The following FBXL13 variants were observed in gnomAD, a reference collection of about 807,000 sequenced individuals.
The protein encoded by FBXL13 is F-box and leucine rich repeat protein 13.
In FBXL13, 67 loss-of-function variants were observed where a neutral mutation model predicts 83.6. The observed-to-expected ratio is 0.80, with a 90% CI of 0.66 to 0.98. The LOEUF (loss-of-function observed/expected upper bound fraction) is 0.98, where lower values mean the gene tolerates loss of function less well. FBXL13 is among the 50% of genes least tolerant of loss of function. The pLI, the probability that FBXL13 is intolerant of heterozygous loss-of-function variation, is 0.00. For synonymous variants in FBXL13, 272 were observed against 299.5 expected (o/e 0.91, Z 0.95); for missense variants, 822 against 866.5 (o/e 0.95, Z 0.64).
At chr7:102,848,664 G>C (rs1804609727) in intron 17 of FBXL13, among the ~76,000 whole-genome samples, 1 of 145,322 alleles carries the variant, frequency 6.9e-6, no homozygotes, top group African/African-American at 2.5e-5. Flanking sequence ...TTCTAGGAAA[G>C]AGGAATCAGA....
At chr7:102,861,068 T>A (rs889817839) in intron 16 of FBXL13, among the ~76,000 whole-genome samples, 8 of 152,004 alleles carry the variant, frequency 5.3e-5, no homozygotes, top group African/African-American at 1.7e-4. Context: ...GATATCATGA[T>A]GCTTTATCCC....
At chr7:102,903,943 T>TCTTTC (rs3045671) in intron 11 of FBXL13, among the ~76,000 whole-genome samples, 1 of 134,306 alleles carries the variant, frequency 7.4e-6, no homozygotes. Context: ...TCTTTTCTTT[T>TCTTTC]TTTTTTTTTT....
intron 6 of FBXL13, among the ~76,000 whole-genome samples, chr7:103,013,835 A>C (rs1791930138): frequency 6.6e-6 from 1 of 152,162 alleles, no homozygotes; most frequent in Admixed American, 6.5e-5. Context: ...TACAAAAATC[A>C]ATAAATCCAG....
intron 6 of FBXL13, among the ~76,000 whole-genome samples, chr7:102,992,201 T>C (rs1344069353): frequency 6.6e-6 from 1 of 152,220 alleles, no homozygotes; most frequent in East Asian, 1.9e-4. Flanking sequence ...TCTGCCATCA[T>C]GTTACTGGCT....
chr7:102,932,066 A>G, intron 8 of FBXL13, 133 bp from the exon 10 acceptor site: 1 of 741,662 alleles, frequency 1.3e-6, no homozygotes, highest in South Asian at 2.3e-5. Context: ...TGTTCTAAGT[A>G]TATGGTTTCT....
intron 4 of FBXL13, 59 bp downstream of exon 5, chr7:103,028,541 T>C: frequency 7.7e-7 from 1 of 1,295,442 alleles, no homozygotes; most frequent in South Asian, 1.9e-5. Context: ...TAACTGTTAG[T>C]TTTTTTATTA....
chr7:102,963,585 C>T, exon 8 of FBXL13: 1 of 1,612,886 alleles, frequency 6.2e-7, no homozygotes, highest in Non-Finnish European at 8.5e-7. Flanking sequence ...AATTCAAACG[C>T]AGCACATTTA....
exon 1 of FBXL13, chr7:103,074,373 C>T: frequency 9.5e-7 from 1 of 1,051,320 alleles, no homozygotes; most frequent in South Asian, 3.0e-5. Flanking sequence ...CTCACTCCTC[C>T]ACTCCTCAGG....
At chr7:103,007,828 G>C (rs1324406484) in intron 6 of FBXL13, among the ~76,000 whole-genome samples, 2 of 152,140 alleles carry the variant, frequency 1.3e-5, no homozygotes, top group Non-Finnish European at 2.9e-5. Flanking sequence ...AGGAGCTGAA[G>C]TGGCCCAGGG....
Position 102,854,766 on chromosome 7 carries a change from A to T in FBXL13, c.1719+11T>A. ...TCTTAATTCTTTAACAGATGATCTT[A>T]ATGATCTTACCTGAATTCCATCATC... is the stretch of plus-strand genomic sequence containing the variant. On this transcript the variant is annotated intron_variant, in intron 17 of 19. Coordinates refer to ENST00000313221, the Ensembl canonical transcript of FBXL13. 1 of 1,500,866 alleles carries T rather than the reference A, an allele frequency of 6.7e-7. No homozygotes were observed. The highest frequency in any genetic ancestry group is 9.1e-7 in the Non-Finnish European group (1 of 1,102,928). The allele number at this position is 1,500,866 out of a possible 1,614,324, so 93.0% of individuals were successfully genotyped here. A position where few individuals can be genotyped will look rare whatever the true frequency, so the allele number is the denominator to read the frequency against.
chr7:102,989,410 C>T (rs76543568), intron 6 of FBXL13, among the ~76,000 whole-genome samples: 1,676 of 152,318 alleles, frequency 0.011, 35 homozygotes, highest in African/African-American at 0.039. Context: ...CTAATGGAGA[C>T]GTTTCATTGC....
At chr7:103,064,303 C>T (rs184840886) in intron 1 of FBXL13, among the ~76,000 whole-genome samples, 1 of 152,328 alleles carries the variant, frequency 6.6e-6, no homozygotes, top group Non-Finnish European at 1.5e-5. Flanking sequence ...AGTTGGGGTC[C>T]AACCCCAGAG....
At chr7:103,008,719 G>A (rs186659547) in intron 6 of FBXL13, among the ~76,000 whole-genome samples, 10 of 152,042 alleles carry the variant, frequency 6.6e-5, no homozygotes, top group African/African-American at 1.2e-4. Flanking sequence ...CAACACACCC[G>A]GCTAATTTTT....
At chr7:102,945,886 A>AT (rs908056562) in intron 8 of FBXL13, among the ~76,000 whole-genome samples, 47 of 149,686 alleles carry the variant, frequency 3.1e-4, no homozygotes, top group East Asian at 5.9e-4. Flanking sequence ...AGTATTAGGC[A>AT]TTTTTTTTTT....
At chr7:102,858,988 T>A (rs1478104562) in intron 16 of FBXL13, among the ~76,000 whole-genome samples, 1 of 152,198 alleles carries the variant, frequency 6.6e-6, no homozygotes, top group Non-Finnish European at 1.5e-5. Flanking sequence ...TGGTGAGTTT[T>A]ATGGTACATG....
intron 9 of FBXL13, among the ~76,000 whole-genome samples, chr7:102,931,263 G>A (rs1472460025): frequency 1.3e-5 from 2 of 152,224 alleles, no homozygotes; most frequent in Non-Finnish European, 2.9e-5. Flanking sequence ...CACAGAAACT[G>A]AAACAAGTGA....
At chr7:103,044,395 G>A (rs1330009209) in intron 2 of FBXL13, among the ~76,000 whole-genome samples, 1 of 152,114 alleles carries the variant, frequency 6.6e-6, no homozygotes, top group Non-Finnish European at 1.5e-5. Flanking sequence ...CTAAAATATA[G>A]AATATGAATC....
chr7:103,038,886 A>G (rs976342221), intron 2 of FBXL13, among the ~76,000 whole-genome samples: 1 of 152,262 alleles, frequency 6.6e-6, no homozygotes, highest in African/African-American at 2.4e-5. Flanking sequence ...AAAAGCTGAA[A>G]ATTCCAAAAG....
At chr7:102,841,486 A>G (rs1011008820) in intron 17 of FBXL13, among the ~76,000 whole-genome samples, 1 of 152,238 alleles carries the variant, frequency 6.6e-6, no homozygotes, top group Non-Finnish European at 1.5e-5. Context: ...AGTGGGCAAG[A>G]AGCCAGGACT....
Sources: gnomAD v4.1 joint callset for allele counts (sites outside exome capture counted in the v4.1 genomes callset) on GRCh38, gnomAD v4.1.1 for gene constraint, MANE v1.5 for transcripts, NCBI Gene and HGNC (gene_info 2026-07-23, HGNC 2026-07-21) for gene names.